Variants in TMPRSS11D observed in about 807,000 individuals in gnomAD.
TMPRSS11D encodes transmembrane serine protease 11D.
In TMPRSS11D, 32 loss-of-function variants were observed where a neutral mutation model predicts 44.4. The ratio of observed to expected loss-of-function variants is 0.72; its 90% CI spans 0.54 to 0.97. The LOEUF is 0.97. TMPRSS11D is among the 50% of genes least tolerant of loss of function. The pLI, the probability that TMPRSS11D is intolerant of heterozygous loss-of-function variation, is 0.00. For missense variants in TMPRSS11D, 446 were observed against 502.6 expected (o/e 0.89, Z 1.08); for synonymous variants, 179 against 177.9 (o/e 1.01, Z -0.05).
At chr4:67,863,398 A>G (rs557566320) in intron 1 of TMPRSS11D, among the ~76,000 whole-genome samples, 4 of 151,664 alleles carry the variant, frequency 2.6e-5, no homozygotes, top group Admixed American at 2.6e-4. Context: ...ATTGGACTAT[A>G]GTGTTTGAGG....
chr4:67,868,793 A>G (rs1718986041), intron 1 of TMPRSS11D, among the ~76,000 whole-genome samples: 1 of 152,236 alleles, frequency 6.6e-6, no homozygotes, highest in Admixed American at 6.5e-5. Flanking sequence ...CTGGTGGCCC[A>G]GTTGGGCTGC....
rs550093598 is a variant in TMPRSS11D, at chr4:67,822,853, A to G, written c.1096-355T>C. ...CCAGCTTTGGGCTCAATTGTTCTTC[A>G]TTGTGTCTTTATATCTTGTGTGTGT... On this transcript the variant is annotated intron_variant, in intron 9 of 9. Transcript: ENST00000283916. Among the ~76,000 whole-genome samples, 4 of 151,916 alleles carry G rather than the reference A, an allele frequency of 2.6e-5. No homozygotes were observed. The East Asian group carries it at 7.8e-4, about 30-fold the overall frequency.
intron 3 of TMPRSS11D, among the ~76,000 whole-genome samples, chr4:67,846,788 C>T (rs985790799): frequency 8.8e-5 from 6 of 68,382 alleles, no homozygotes; most frequent in African/African-American, 1.8e-4. Flanking sequence ...TTACAGATAA[C>T]ATACTTTATA....
chr4:67,852,021 G>A (rs1041057159), intron 3 of TMPRSS11D, among the ~76,000 whole-genome samples: 5 of 152,080 alleles, frequency 3.3e-5, no homozygotes, highest in Non-Finnish European at 7.4e-5. Context: ...GGATGCTAAG[G>A]GCCCACCTCT....
At position 67,833,252 on chromosome 4, in the gene TMPRSS11D, C is replaced by G; in HGVS notation, c.644G>C (p.Ser215Thr). 1 of 1,577,640 alleles carries G rather than the reference C, an allele frequency of 6.3e-7. No homozygotes were observed. The highest frequency in any genetic ancestry group is 2.4e-5 in the East Asian group (1 of 42,414). ...CAGGATCCACATGTTATTGATCAGGCTGCCTCCACAGTGGTGGGCATTATT... is the reference window on the plus strand; with the variant it reads ...CAGGATCCACATGTTATTGATCAGGGTGCCTCCACAGTGGTGGGCATTATT... ...RLNNAHHCGG[S>T]LINNMWILTA... is the part of the protein sequence containing the mutation. The change falls in exon 7 of 10, where the codon AGC becomes ACC. Residue 215 changes from serine (S) to threonine (T), a missense_variant. Physicochemically the swap from Ser to Thr is moderately conservative, Grantham distance 58 (BLOSUM62 1). Coordinates refer to ENST00000283916, the MANE Select transcript of TMPRSS11D (RefSeq NM_004262.3).
chr4:67,834,855 G>C (rs958495157), intron 6 of TMPRSS11D, among the ~76,000 whole-genome samples: 3 of 152,068 alleles, frequency 2.0e-5, no homozygotes, highest in African/African-American at 7.2e-5. Context: ...AGAGTGGGTA[G>C]TCCTCCACTA....
intron 7 of TMPRSS11D, among the ~76,000 whole-genome samples, chr4:67,829,314 AT>A (rs1189060270): frequency 1.3e-5 from 2 of 151,880 alleles, no homozygotes. Context: ...AAAGTTTATA[AT>A]TTTTTATTTT....
chr4:67,825,960 A>G, intron 8 of TMPRSS11D, 86 bp from the exon 9 acceptor site: 1 of 1,355,946 alleles, frequency 7.4e-7, no homozygotes, highest in Admixed American at 2.3e-5. Context: ...AAATAAATGT[A>G]CTCCAAACAT....
intron 1 of TMPRSS11D, among the ~76,000 whole-genome samples, chr4:67,865,138 T>C (rs1718890547): frequency 6.6e-6 from 1 of 151,730 alleles, no homozygotes; most frequent in Non-Finnish European, 1.5e-5. Flanking sequence ...CTGAAGAAAC[T>C]TTAAAAAATC....
chr4:67,881,733 A>G (rs6814661), intron 1 of TMPRSS11D, among the ~76,000 whole-genome samples: 15,475 of 152,084 alleles, frequency 0.1, 1,001 homozygotes, highest in African/African-American at 0.18. Context: ...GTTGGGAGGC[A>G]GGGCATCTGA....
At chr4:67,862,655 C>A (rs1249996789) in intron 1 of TMPRSS11D, among the ~76,000 whole-genome samples, 1 of 152,054 alleles carries the variant, frequency 6.6e-6, no homozygotes, top group East Asian at 1.9e-4. Context: ...TTGGAACCAA[C>A]CCAAATGTCC....
chr4:67,845,928 T>C (rs2109676256), intron 3 of TMPRSS11D, among the ~76,000 whole-genome samples: 1 of 152,290 alleles, frequency 6.6e-6, no homozygotes, highest in East Asian at 1.9e-4. Flanking sequence ...TTGTCACATA[T>C]TTTTCATGGC....
chr4:67,856,784 CT>C (rs1280057174), intron 2 of TMPRSS11D, among the ~76,000 whole-genome samples: 1 of 151,498 alleles, frequency 6.6e-6, no homozygotes, highest in Non-Finnish European at 1.5e-5. Flanking sequence ...CAACTCAACA[CT>C]AAAAAAAAAT....
At chr4:67,843,958 C>T (rs1718297371) in intron 3 of TMPRSS11D, among the ~76,000 whole-genome samples, 1 of 152,112 alleles carries the variant, frequency 6.6e-6, no homozygotes, top group African/African-American at 2.4e-5. Flanking sequence ...AATTTCTTGA[C>T]TGAATCATAA....
chr4:67,864,832 A>G (rs1718879866), intron 1 of TMPRSS11D, among the ~76,000 whole-genome samples: 1 of 151,998 alleles, frequency 6.6e-6, no homozygotes, highest in Non-Finnish European at 1.5e-5. Context: ...TAACAATCCT[A>G]AATGTATACA....
At chr4:67,879,353 C>CGCCT (rs1719266958) in intron 1 of TMPRSS11D, among the ~76,000 whole-genome samples, 1 of 151,440 alleles carries the variant, frequency 6.6e-6, no homozygotes, top group Non-Finnish European at 1.5e-5. Context: ...CAGTGGTAGG[C>CGCCT]GCCTGTAGAC....
At chr4:67,864,094 GTTTAA>G (rs1718859185) in intron 1 of TMPRSS11D, among the ~76,000 whole-genome samples, 1 of 151,624 alleles carries the variant, frequency 6.6e-6, no homozygotes, top group Non-Finnish European at 1.5e-5. Flanking sequence ...TAATTAATTA[GTTTAA>G]TTTATTTATT....
chr4:67,833,579 G>A, intron 6 of TMPRSS11D, 198 bp from the exon 7 acceptor site: 1 of 434,580 alleles, frequency 2.3e-6, no homozygotes, highest in Non-Finnish European at 3.8e-6. Flanking sequence ...TAGCATTTTG[G>A]AGAACATTTC....
chr4:67,825,101 A>G (rs1298951969), intron 9 of TMPRSS11D, among the ~76,000 whole-genome samples: 1 of 151,944 alleles, frequency 6.6e-6, no homozygotes, highest in Non-Finnish European at 1.5e-5. Flanking sequence ...TTTTTCATTC[A>G]TACTGTTTCA....
Sources: gnomAD v4.1 joint callset for allele counts (sites outside exome capture counted in the v4.1 genomes callset) on GRCh38, gnomAD v4.1.1 for gene constraint, MANE v1.5 for transcripts, NCBI Gene and HGNC (gene_info 2026-07-23, HGNC 2026-07-21) for gene names.